Variants in VWC2 observed in about 807,000 individuals in gnomAD.
The protein encoded by VWC2 is brorin.
In VWC2, 14 loss-of-function variants were observed where a neutral mutation model predicts 29.8. The ratio of observed to expected loss-of-function variants is 0.47; its 90% CI spans 0.31 to 0.74. The LOEUF is 0.74. Ranked by LOEUF, VWC2 falls within the 30% of genes least tolerant of loss-of-function variation. The pLI, the probability that VWC2 is intolerant of heterozygous loss-of-function variation, is 0.05. For synonymous variants in VWC2, 213 were observed against 199.0 expected, an observed-to-expected ratio of 1.07 and a Z score of -0.59; for missense variants, 457 against 459.8, an observed-to-expected ratio of 0.99 and a Z score of 0.05.
chr7:49,821,055 T>A (rs779463409), intron 3 of VWC2, among the ~76,000 whole-genome samples: 3 of 151,384 alleles, frequency 2.0e-5, no homozygotes, highest in African/African-American at 4.8e-5. Context: ...TGTTAGCCAA[T>A]ATTATCACAA....
At position 49,840,467 on chromosome 7, in the gene VWC2, C is replaced by G. The variant is rs191658176; in HGVS notation, c.826+37627C>G. Among the ~76,000 whole-genome samples, 4 of 152,208 alleles carry G rather than the reference C, an allele frequency of 2.6e-5. No individual in the cohort carries two copies. In the East Asian group the frequency reaches 7.7e-4, roughly 29 times the overall value. On this transcript the variant is annotated intron_variant, in intron 3 of 3. Coordinates refer to ENST00000340652, the MANE Select transcript of VWC2 (RefSeq NM_198570.5). Reference sequence around the variant, plus strand: ...GGATGTGCCAGCTGCTGCTTGGTAGCCCCCAGCATGGTGGAAAGCCGTTTT... The same window carrying G: ...GGATGTGCCAGCTGCTGCTTGGTAGGCCCCAGCATGGTGGAAAGCCGTTTT...
rs1441057765 is a variant in VWC2, at chr7:49,877,499, T to C, written c.827-34535T>C. Among the ~76,000 whole-genome samples the C allele has an allele frequency of 2.4e-4, 21 of 87,914 alleles. 2 individuals are homozygous for C. The highest frequency in any genetic ancestry group is 3.7e-4 in the South Asian group (1 of 2,706). The allele number at this position is 87,914 out of a possible 152,430, so 57.7% of individuals were successfully genotyped here. A position where few individuals can be genotyped will look rare whatever the true frequency, so the allele number is the denominator to read the frequency against. ...AAAAAAAAATATATATATATATATA[T>C]ATATATATATATATATATAGTTATT... On this transcript the variant is annotated intron_variant, in intron 3 of 3. Coordinates refer to ENST00000340652, the MANE Select transcript of VWC2 (RefSeq NM_198570.5).
chr7:49,859,276 T>C (rs911442157), intron 3 of VWC2, among the ~76,000 whole-genome samples: 1 of 152,260 alleles, frequency 6.6e-6, no homozygotes, highest in Non-Finnish European at 1.5e-5. Context: ...TTTTGTGGTA[T>C]CTTTTGAAGG....
intron 2 of VWC2, among the ~76,000 whole-genome samples, chr7:49,800,579 C>G (rs886856033): frequency 6.6e-6 from 1 of 152,060 alleles, no homozygotes; most frequent in Non-Finnish European, 1.5e-5. Flanking sequence ...TGTTCTGGCT[C>G]TCCATCATGT....
intron 3 of VWC2, among the ~76,000 whole-genome samples, chr7:49,883,934 G>A (rs1791786343): frequency 6.6e-6 from 1 of 152,242 alleles, no homozygotes; most frequent in African/African-American, 2.4e-5. Context: ...AGAACAGAAA[G>A]CAGTGGAGAG....
intron 3 of VWC2, among the ~76,000 whole-genome samples, chr7:49,901,917 TAAACA>T (rs1792760433): frequency 1.3e-5 from 2 of 151,944 alleles, no homozygotes; most frequent in African/African-American, 4.8e-5. Flanking sequence ...GCTAACAGAG[TAAACA>T]TAGTACAATG....
intron 3 of VWC2, among the ~76,000 whole-genome samples, chr7:49,900,889 C>A (rs1263393000): frequency 2.0e-5 from 3 of 151,724 alleles, no homozygotes; most frequent in Admixed American, 6.6e-5. Flanking sequence ...TGAACCCAAC[C>A]ATGTGTAAGA....
chr7:49,825,803 A>G (rs1053143729), intron 3 of VWC2, among the ~76,000 whole-genome samples: 23 of 152,246 alleles, frequency 1.5e-4, no homozygotes, highest in African/African-American at 5.1e-4. Flanking sequence ...TCCTTTAATG[A>G]TAGACTCTTC....
At chr7:49,881,287 C>G (rs1278547088) in intron 3 of VWC2, among the ~76,000 whole-genome samples, 1 of 152,156 alleles carries the variant, frequency 6.6e-6, no homozygotes, top group Non-Finnish European at 1.5e-5. Context: ...CCAGCTAAAT[C>G]TTTAGAGTGC....
intron 3 of VWC2, among the ~76,000 whole-genome samples, chr7:49,828,354 C>T (rs1789450764): frequency 6.6e-6 from 1 of 152,156 alleles, no homozygotes; most frequent in African/African-American, 2.4e-5. Flanking sequence ...TGTGGACATA[C>T]ACTTCTATGG....
rs776477508 is a variant in VWC2, at chr7:49,920,242, G to A, written c.*8057G>A. 1.3e-5 allele frequency: 2 copies of A among 151,880 alleles called. No individual in the cohort carries two copies. The highest frequency in any genetic ancestry group is 4.8e-5 in the African/African-American group (2 of 41,404). The allele number at this position is 151,880 out of a possible 1,614,324, so 9.4% of individuals were successfully genotyped here. On this transcript the variant is annotated 3_prime_UTR_variant, in exon 4 of 4. Coordinates refer to ENST00000340652, the MANE Select transcript of VWC2 (RefSeq NM_198570.5). Reference sequence around the variant, plus strand: ...AAAAAACTCAAACATTTTAATACACGATGAATCCTTTTCTTAAGGAAAAAA... The same window carrying A: ...AAAAAACTCAAACATTTTAATACACAATGAATCCTTTTCTTAAGGAAAAAA...
intron 2 of VWC2, among the ~76,000 whole-genome samples, chr7:49,782,167 G>T (rs757804891): frequency 3.3e-5 from 5 of 152,234 alleles, no homozygotes; most frequent in South Asian, 2.1e-4. Context: ...GCAGCCATCT[G>T]TCAGAGCTGG....
At chr7:49,782,345 A>G (rs796392366) in intron 2 of VWC2, among the ~76,000 whole-genome samples, 3 of 152,280 alleles carry the variant, frequency 2.0e-5, no homozygotes, top group African/African-American at 7.2e-5. Context: ...CCAAAATCAT[A>G]CAGGCAGTTG....
intron 3 of VWC2, among the ~76,000 whole-genome samples, chr7:49,895,041 A>G (rs1043867591): frequency 2.0e-5 from 3 of 152,254 alleles, no homozygotes; most frequent in African/African-American, 4.8e-5. Context: ...TCATGCTACT[A>G]TAACAAAATA....
intron 2 of VWC2, among the ~76,000 whole-genome samples, chr7:49,798,979 T>C (rs893119897): frequency 1.3e-5 from 2 of 152,148 alleles, no homozygotes; most frequent in African/African-American, 4.8e-5. Flanking sequence ...GCTTATCAAA[T>C]GTGAGCCAGC....
At chr7:49,891,193 C>CA (rs1329816169) in intron 3 of VWC2, among the ~76,000 whole-genome samples, 1 of 151,930 alleles carries the variant, frequency 6.6e-6, no homozygotes, top group African/African-American at 2.4e-5. Flanking sequence ...AAATTATAAC[C>CA]AAAAAAATGC....
At chr7:49,774,545 C>G (rs978884217) in intron 1 of VWC2, among the ~76,000 whole-genome samples, 3 of 152,220 alleles carry the variant, frequency 2.0e-5, no homozygotes, top group African/African-American at 7.2e-5. Context: ...GCCCCAGCCT[C>G]CCGCACTGCA....
chr7:49,882,524 C>T (rs1035701393), intron 3 of VWC2, among the ~76,000 whole-genome samples: 3 of 151,602 alleles, frequency 2.0e-5, no homozygotes, highest in Non-Finnish European at 4.4e-5. Flanking sequence ...AAAAGAGAGA[C>T]AGAGGGACAC....
intron 3 of VWC2, among the ~76,000 whole-genome samples, chr7:49,864,678 T>C (rs1411576948): frequency 6.6e-6 from 1 of 152,184 alleles, no homozygotes; most frequent in Admixed American, 6.5e-5. Context: ...GCCTGCATCT[T>C]CTGTTGGTCT....
Sources: gnomAD v4.1 joint callset for allele counts (sites outside exome capture counted in the v4.1 genomes callset) on GRCh38, gnomAD v4.1.1 for gene constraint, MANE v1.5 for transcripts, NCBI Gene and HGNC (gene_info 2026-07-23, HGNC 2026-07-21) for gene names.